Variants in USH2A observed in about 807,000 individuals in gnomAD.
The protein encoded by USH2A is Usher syndrome 2A (autosomal recessive, mild).
USH2A carries 443 observed loss-of-function variants against 538.9 expected under a neutral mutation model. The ratio of observed to expected loss-of-function variants is 0.82; its 90% CI spans 0.76 to 0.89. The LOEUF (loss-of-function observed/expected upper bound fraction) is 0.89. Ranked by LOEUF, USH2A falls within the 40% of genes least tolerant of loss-of-function variation. The pLI is 0.00. For synonymous variants in USH2A, 2,413 were observed against 2,273.5 expected, an observed-to-expected ratio of 1.06 and a Z score of -1.75; for missense variants, 6,633 against 6,324.8, an observed-to-expected ratio of 1.05 and a Z score of -1.65.
At chr1:216,253,144 ATTTT>A (rs1327945470) in intron 11 of USH2A, among the ~76,000 whole-genome samples, 2 of 149,732 alleles carry the variant, frequency 1.3e-5, no homozygotes, top group South Asian at 2.1e-4. Flanking sequence ...ATGTTTTGTT[ATTTT>A]TTCTTTTTTT....
At position 216,289,283 on chromosome 1, in the gene USH2A, A is replaced by G; in HGVS notation, c.1968T>C (p.Asp656=). ...VGTRNGSILC[D]QIGGQCNCKR... ...TTAAATACTCAGAAAAACTCACCTGATCACAAAGAATGCTACCATTTCTAG... is the reference window on the plus strand; with the variant it reads ...TTAAATACTCAGAAAAACTCACCTGGTCACAAAGAATGCTACCATTTCTAG... Residue 656 remains aspartate, a synonymous_variant, in exon 11 of 72, where the codon GAT becomes GAC. Coordinates refer to ENST00000307340, the MANE Select transcript of USH2A (RefSeq NM_206933.4). The G allele has an allele frequency of 1.2e-6, 2 of 1,613,870 alleles. No individual in the cohort carries two copies. Among genetic ancestry groups the G allele is most frequent in the Non-Finnish European group, 1.7e-6 (2 of 1,179,784 alleles).
intron 35 of USH2A, among the ~76,000 whole-genome samples, chr1:215,986,853 C>G (rs1420070150): frequency 2.6e-5 from 4 of 152,198 alleles, no homozygotes; most frequent in African/African-American, 4.8e-5. Flanking sequence ...TAAGATGCCT[C>G]TACTCCGTGG....
chr1:216,120,418 C>T (rs2033108388), intron 21 of USH2A, among the ~76,000 whole-genome samples: 1 of 151,640 alleles, frequency 6.6e-6, no homozygotes, highest in Non-Finnish European at 1.5e-5. Context: ...CTCGCTCTGT[C>T]ACCCAGGCTG....
At chr1:216,117,315 C>T (rs548463571) in intron 21 of USH2A, among the ~76,000 whole-genome samples, 5 of 152,230 alleles carry the variant, frequency 3.3e-5, no homozygotes, top group Non-Finnish European at 7.4e-5. Context: ...TCCAATAATG[C>T]ATGTCAAATG....
At chr1:216,135,490 A>G (rs1230987319) in intron 21 of USH2A, among the ~76,000 whole-genome samples, 1 of 152,114 alleles carries the variant, frequency 6.6e-6, no homozygotes, top group Non-Finnish European at 1.5e-5. Context: ...TCCAATCTCA[A>G]TTACAATAAA....
intron 3 of USH2A, among the ~76,000 whole-genome samples, chr1:216,383,587 G>A (rs1378699949): frequency 6.6e-6 from 1 of 152,244 alleles, no homozygotes; most frequent in Non-Finnish European, 1.5e-5. Context: ...AAGCAAAGGT[G>A]TGATAACTCC....
intron 44 of USH2A, among the ~76,000 whole-genome samples, chr1:215,858,501 C>T (rs565803317): frequency 6.7e-6 from 1 of 148,822 alleles, no homozygotes; most frequent in South Asian, 2.2e-4. Flanking sequence ...TCACCTATCT[C>T]GCATGTCGTC....
intron 60 of USH2A, among the ~76,000 whole-genome samples, chr1:215,736,401 A>C (rs890700961): frequency 6.6e-6 from 1 of 152,172 alleles, no homozygotes; most frequent in African/African-American, 2.4e-5. Context: ...CAAAGTCCTA[A>C]AATGAACCCG....
chr1:216,029,663 T>C (rs1669045441), intron 32 of USH2A, among the ~76,000 whole-genome samples: 1 of 151,922 alleles, frequency 6.6e-6, no homozygotes, highest in African/African-American at 2.4e-5. Context: ...ATAGGGTCAT[T>C]GCAGTTTACC....
chr1:216,349,559 T>C (rs1455202109), intron 4 of USH2A, among the ~76,000 whole-genome samples: 2 of 151,898 alleles, frequency 1.3e-5, no homozygotes, highest in Non-Finnish European at 2.9e-5. Context: ...GCAATAAGAG[T>C]GACCTCTGGT....
chr1:215,898,341 G>C (rs1325524), intron 40 of USH2A, among the ~76,000 whole-genome samples: 152,142 of 152,312 alleles, frequency 1, 75,986 homozygotes, highest in East Asian at 1. Context: ...AAATTCTAAC[G>C]ATGTGTATGT....
chr1:215,804,955 T>TA (rs796948351), intron 49 of USH2A, among the ~76,000 whole-genome samples: 2 of 152,096 alleles, frequency 1.3e-5, no homozygotes, highest in African/African-American at 4.8e-5. Flanking sequence ...TATGCAGCCA[T>TA]AAAAAATGAT....
intron 4 of USH2A, among the ~76,000 whole-genome samples, chr1:216,335,135 A>AATAACAGAAGC (rs2037945092): frequency 6.6e-6 from 1 of 151,782 alleles, no homozygotes; most frequent in Non-Finnish European, 1.5e-5. Context: ...ATTAGAAATC[A>AATAACAGAAGC]ATAACAGAAG....
At chr1:215,750,880 T>C (rs1660604474) in intron 58 of USH2A, among the ~76,000 whole-genome samples, 2 of 152,144 alleles carry the variant, frequency 1.3e-5, no homozygotes, top group East Asian at 1.9e-4. Flanking sequence ...AAATGAGATA[T>C]ATGTTAATCT....
chr1:215,661,656 T>G (rs1455618264), intron 64 of USH2A, among the ~76,000 whole-genome samples: 2 of 152,196 alleles, frequency 1.3e-5, no homozygotes, highest in African/African-American at 4.8e-5. Context: ...AAGAGAGGCT[T>G]CTAAACATAA....
At chr1:216,023,286 A>C (rs1668881565) in intron 32 of USH2A, among the ~76,000 whole-genome samples, 1 of 151,842 alleles carries the variant, frequency 6.6e-6, no homozygotes, top group Non-Finnish European at 1.5e-5. Context: ...TTGGGACTCT[A>C]TGTTTCTTAG....
At chr1:216,050,560 T>TTTTA (rs2030718533) in intron 30 of USH2A, among the ~76,000 whole-genome samples, 1 of 35,694 alleles carries the variant, frequency 2.8e-5, no homozygotes, top group African/African-American at 7.4e-5. Flanking sequence ...ATTTGTATCT[T>TTTTA]TTTCTTTCTT....
Position 215,782,183 on chromosome 1 carries a change from G to C in USH2A, c.10599C>G (p.Tyr3533Ter), listed in dbSNP as rs1419908666. The C allele has an allele frequency of 6.2e-7, 1 of 1,613,708 alleles. No homozygotes were observed. The highest frequency in any genetic ancestry group is 8.5e-7 in the Non-Finnish European group (1 of 1,179,810). ...CAATTCCATTTCGAAGAAGGATGTA[G>C]TAAATAATAGGACCTAAAAGAAGCA... ...KPIQSNGPII[Y>*]YILLRNGIER... Residue 3533 changes from tyrosine (Y) to a stop codon, truncating the protein, a stop_gained, in exon 54 of 72, where the codon TAC becomes TAG. Coordinates refer to ENST00000307340, the MANE Select transcript of USH2A (RefSeq NM_206933.4). LOFTEE classifies it high-confidence loss of function.
intron 13 of USH2A, among the ~76,000 whole-genome samples, chr1:216,245,204 C>G (rs2036012286): frequency 6.6e-6 from 1 of 152,126 alleles, no homozygotes; most frequent in South Asian, 2.1e-4. Context: ...TTCTGGGATA[C>G]TTACCACCTT....
Sources: gnomAD v4.1 joint callset for allele counts (sites outside exome capture counted in the v4.1 genomes callset) on GRCh38, gnomAD v4.1.1 for gene constraint, MANE v1.5 for transcripts, NCBI Gene and HGNC (gene_info 2026-07-23, HGNC 2026-07-21) for gene names.